The following ZFHX3 variants were observed in gnomAD, a reference collection of about 807,000 sequenced individuals.
The protein encoded by ZFHX3 is zinc finger homeobox 3, also known as zinc finger homeobox protein 3.
A neutral mutation model predicts 279.1 loss-of-function variants in ZFHX3; 42 were observed. The ratio of observed to expected loss-of-function variants is 0.15; its 90% CI spans 0.12 to 0.19. The LOEUF (loss-of-function observed/expected upper bound fraction) is 0.19. Ranked by LOEUF, ZFHX3 falls within the 10% of genes least tolerant of loss-of-function variation. The pLI, the probability that ZFHX3 is intolerant of heterozygous loss-of-function variation, is 1.00. For synonymous variants in ZFHX3, 2,293 were observed against 1,957.8 expected, an observed-to-expected ratio of 1.17 and a Z score of -4.52; for missense variants, 4,981 against 4,754.0, an observed-to-expected ratio of 1.05 and a Z score of -1.40.
intron 1 of ZFHX3, among the ~76,000 whole-genome samples, chr16:73,709,705 C>T (rs1290109556): frequency 6.6e-6 from 1 of 151,994 alleles, no homozygotes; most frequent in Non-Finnish European, 1.5e-5. Context: ...TAGTGTACAA[C>T]ATGATGACTA....
intron 3 of ZFHX3, among the ~76,000 whole-genome samples, chr16:73,358,183 C>T (rs1716698036): frequency 1.3e-5 from 2 of 152,338 alleles, no homozygotes; most frequent in African/African-American, 4.8e-5. Context: ...GGAAATGGCC[C>T]CCAGCACCGT....
At chr16:73,441,792 G>A (rs1266530543) in intron 3 of ZFHX3, among the ~76,000 whole-genome samples, 3 of 152,158 alleles carry the variant, frequency 2.0e-5, no homozygotes, top group Admixed American at 6.5e-5. Flanking sequence ...CTGAGTCTCA[G>A]TGTCTTGGAA....
intron 3 of ZFHX3, among the ~76,000 whole-genome samples, chr16:72,948,594 T>TC (rs1643604156): frequency 2.0e-5 from 3 of 152,162 alleles, no homozygotes; most frequent in African/African-American, 7.2e-5. Context: ...GACAGACTCT[T>TC]ATTCAAGACT....
chr16:73,595,390 T>A (rs2052038138), intron 2 of ZFHX3, among the ~76,000 whole-genome samples: 1 of 152,202 alleles, frequency 6.6e-6, no homozygotes. Context: ...CCTTGACCTC[T>A]CAGCTGCATC....
intron 1 of ZFHX3, among the ~76,000 whole-genome samples, chr16:73,809,906 T>TA (rs1224606494): frequency 2.0e-5 from 3 of 152,196 alleles, no homozygotes. Flanking sequence ...TGTGGCCACT[T>TA]ACCTATGCTG....
At chr16:72,886,474 C>CCAAAACAGGGAA (rs1412169501) in intron 4 of ZFHX3, among the ~76,000 whole-genome samples, 1 of 152,104 alleles carries the variant, frequency 6.6e-6, no homozygotes, top group Non-Finnish European at 1.5e-5. Context: ...GCACTACATT[C>CCAAAACAGGGAA]CAAAACAGGG....
intron 3 of ZFHX3, among the ~76,000 whole-genome samples, chr16:73,392,368 G>A (rs777109548): frequency 1.2e-4 from 15 of 120,496 alleles, no homozygotes; most frequent in Non-Finnish European, 2.1e-4. Flanking sequence ...GCAGTAAGCT[G>A]AGATCACACC....
At chr16:73,260,776 G>C (rs1025613341) in intron 4 of ZFHX3, among the ~76,000 whole-genome samples, 1 of 135,556 alleles carries the variant, frequency 7.4e-6, no homozygotes, top group Non-Finnish European at 1.5e-5. Flanking sequence ...TCCGCCTCCC[G>C]GGTTTAAACA....
intron 1 of ZFHX3, among the ~76,000 whole-genome samples, chr16:73,698,548 T>A (rs920414065): frequency 6.6e-6 from 1 of 152,186 alleles, no homozygotes; most frequent in Non-Finnish European, 1.5e-5. Flanking sequence ...ATAAGACATA[T>A]TGCTGTCACA....
intron 2 of ZFHX3, among the ~76,000 whole-genome samples, chr16:73,648,274 G>A (rs2052638946): frequency 6.6e-6 from 1 of 152,212 alleles, no homozygotes; most frequent in African/African-American, 2.4e-5. Flanking sequence ...TAATGAAACA[G>A]ACTCAGAGAG....
chr16:72,783,634 T>C lies in ZFHX3; in HGVS notation c.*3530A>G, dbSNP rs1481074155. The C allele has an allele frequency of 6.6e-5, 10 of 151,858 alleles. No individual in the cohort carries two copies. The highest frequency in any genetic ancestry group is 1.2e-4 in the African/African-American group (5 of 41,306). 9.4% of individuals were successfully genotyped at this position (151,858 alleles called of 1,614,324 possible). ...TATTAAATTTTTCCTTGTGTAGATA[T>C]GTGGTTTTTGGAAGGATGGAGGAAA... On this transcript the variant is annotated 3_prime_UTR_variant, in exon 10 of 10. Coordinates refer to ENST00000268489, the MANE Select transcript of ZFHX3 (RefSeq NM_006885.4).
chr16:73,472,043 A>T (rs1031163087), intron 2 of ZFHX3, among the ~76,000 whole-genome samples: 1 of 152,060 alleles, frequency 6.6e-6, no homozygotes, highest in African/African-American at 2.4e-5. Context: ...AGGCTGGTTC[A>T]CTTCACCTGG....
chr16:73,794,594 C>T (rs572456556), intron 1 of ZFHX3, among the ~76,000 whole-genome samples: 13 of 152,138 alleles, frequency 8.5e-5, no homozygotes, highest in African/African-American at 3.1e-4. Context: ...TAGGGACCCC[C>T]CCTTTGCAAA....
chr16:73,236,844 A>G (rs2012964711), intron 5 of ZFHX3, among the ~76,000 whole-genome samples: 1 of 152,320 alleles, frequency 6.6e-6, no homozygotes, highest in African/African-American at 2.4e-5. Flanking sequence ...AGAAATCCCC[A>G]GAAGAGAGAG....
At chr16:72,994,410 A>G (rs1963203610) in intron 1 of ZFHX3, among the ~76,000 whole-genome samples, 1 of 152,164 alleles carries the variant, frequency 6.6e-6, no homozygotes, top group Non-Finnish European at 1.5e-5. Flanking sequence ...CCAAGCCCCC[A>G]GGTGCCATTT....
chr16:73,514,959 C>T (rs953977515), intron 2 of ZFHX3, among the ~76,000 whole-genome samples: 4 of 152,116 alleles, frequency 2.6e-5, no homozygotes, highest in Non-Finnish European at 5.9e-5. Context: ...TGCCCTTAGC[C>T]ATTTTTACAA....
At chr16:73,658,172 C>G (rs1472978639) in intron 2 of ZFHX3, among the ~76,000 whole-genome samples, 1 of 152,106 alleles carries the variant, frequency 6.6e-6, no homozygotes, top group Non-Finnish European at 1.5e-5. Context: ...CCACTATAAT[C>G]AAATTTGTTC....
At chr16:72,978,237 A>T (rs1203686295) in intron 1 of ZFHX3, among the ~76,000 whole-genome samples, 1 of 152,128 alleles carries the variant, frequency 6.6e-6, no homozygotes, top group African/African-American at 2.4e-5. Flanking sequence ...CTGGGATGGA[A>T]AGTGTTACTC....
At position 72,793,514 on chromosome 16, in the gene ZFHX3, A is replaced by G. The variant is rs769866976; in HGVS notation, c.9168T>C (p.Ile3056=). ...CTTTCTCCTTGTCCAGCTGGCTTCC[A>G]ATGGTGTCTTTAACTTTGGAGATAT... is the stretch of plus-strand genomic sequence containing the variant. The part of the protein sequence containing the change: ...QQHISKVKDT[I]GSQLDKEKEY... The change falls in exon 9 of 10, where the codon ATT becomes ATC. Residue 3056 remains isoleucine, a synonymous_variant. Transcript: ENST00000268489. The surrounding 1 kb of genome is among the most constrained non-coding windows in gnomAD (Gnocchi z 4.3). The G allele has an allele frequency of 4.5e-5, 73 of 1,614,088 alleles. No individual in the cohort carries two copies. Among genetic ancestry groups the G allele is most frequent in the Non-Finnish European group, 6.1e-5 (72 of 1,180,048 alleles).
Sources: gnomAD v4.1 joint callset for allele counts (sites outside exome capture counted in the v4.1 genomes callset) on GRCh38, gnomAD v4.1.1 for gene constraint, Gnocchi (gnomAD v3.1) non-coding constraint, MANE v1.5 for transcripts, NCBI Gene and HGNC (gene_info 2026-07-23, HGNC 2026-07-21) for gene names.